The following CCDC91 variants were observed in gnomAD, a reference collection of about 807,000 sequenced individuals.
The protein encoded by CCDC91 is coiled-coil domain containing 91.
In CCDC91, 48 loss-of-function variants were observed where a neutral mutation model predicts 63.2. The ratio of observed to expected loss-of-function variants is 0.76; its 90% CI spans 0.60 to 0.97. CCDC91 has a LOEUF of 0.97. Ranked by LOEUF, CCDC91 falls within the 50% of genes least tolerant of loss-of-function variation. The probability of loss-of-function intolerance (pLI) is 0.00; values close to 1 mark genes in which losing one functional copy is unlikely to be tolerated. For missense variants in CCDC91, 500 were observed against 494.6 expected, an observed-to-expected ratio of 1.01 and a Z score of -0.10; for synonymous variants, 167 against 165.8, an observed-to-expected ratio of 1.01 and a Z score of -0.06.
At chr12:28,285,217 A>G (rs1363019180) in intron 3 of CCDC91, among the ~76,000 whole-genome samples, 5 of 152,166 alleles carry the variant, frequency 3.3e-5, no homozygotes, top group Non-Finnish European at 7.3e-5. Flanking sequence ...CCAAGTGAGA[A>G]GTTTTTCAGA....
At chr12:28,203,350 TA>T (rs1308991375) in intron 1 of CCDC91, among the ~76,000 whole-genome samples, 2 of 152,170 alleles carry the variant, frequency 1.3e-5, no homozygotes, top group Non-Finnish European at 1.5e-5. Context: ...TGGAGTTCCT[TA>T]ACTCCACTAT....
intron 12 of CCDC91, among the ~76,000 whole-genome samples, chr12:28,528,809 G>A (rs768103718): frequency 1.3e-5 from 2 of 152,078 alleles, no homozygotes; most frequent in South Asian, 2.1e-4. Context: ...TAGCTCACTC[G>A]AGTTTTATTT....
intron 1 of CCDC91, among the ~76,000 whole-genome samples, chr12:28,256,370 C>A (rs528847094): frequency 9.3e-5 from 14 of 150,796 alleles, no homozygotes; most frequent in African/African-American, 3.2e-4. Context: ...CTTCCTCTTA[C>A]TAATTTCACC....
chr12:28,524,148 T>C (rs1941033947), intron 12 of CCDC91, among the ~76,000 whole-genome samples: 1 of 152,138 alleles, frequency 6.6e-6, no homozygotes, highest in Non-Finnish European at 1.5e-5. Flanking sequence ...GACTAGGACT[T>C]CCAGTACTAT....
intron 6 of CCDC91, among the ~76,000 whole-genome samples, chr12:28,344,777 C>T (rs546543453): frequency 9.5e-4 from 144 of 152,130 alleles, no homozygotes; most frequent in Middle Eastern, 3.4e-3. Context: ...TCTTTTAGAC[C>T]CATGAGCCTT....
At chr12:28,226,948 G>C (rs1245068734) in intron 1 of CCDC91, among the ~76,000 whole-genome samples, 19 of 152,018 alleles carry the variant, frequency 1.2e-4, no homozygotes, top group Non-Finnish European at 2.4e-4. Context: ...GAGGAGTATT[G>C]GTCAGACATT....
intron 12 of CCDC91, among the ~76,000 whole-genome samples, chr12:28,506,346 C>G (rs1418370454): frequency 6.6e-6 from 1 of 151,876 alleles, no homozygotes; most frequent in Non-Finnish European, 1.5e-5. Flanking sequence ...TAGGAATGAA[C>G]AAAACTAACC....
At chr12:28,376,234 T>C (rs1352042543) in intron 7 of CCDC91, among the ~76,000 whole-genome samples, 2 of 151,886 alleles carry the variant, frequency 1.3e-5, no homozygotes, top group Non-Finnish European at 2.9e-5. Context: ...ATTATTTTTC[T>C]AATTTTTGTT....
At chr12:28,342,780 A>G (rs776322379) in intron 6 of CCDC91, among the ~76,000 whole-genome samples, 1 of 152,166 alleles carries the variant, frequency 6.6e-6, no homozygotes, top group Non-Finnish European at 1.5e-5. Flanking sequence ...GTTCAGGTAC[A>G]TACAGACTAG....
chr12:28,420,788 C>G (rs1947958293), intron 8 of CCDC91, among the ~76,000 whole-genome samples: 1 of 151,326 alleles, frequency 6.6e-6, no homozygotes, highest in African/African-American at 2.4e-5. Context: ...TGAAAACTCA[C>G]TGAGGGCAGT....
chr12:28,324,813 T>G (rs1237769800), intron 6 of CCDC91, among the ~76,000 whole-genome samples: 1 of 151,928 alleles, frequency 6.6e-6, no homozygotes, highest in Non-Finnish European at 1.5e-5. Flanking sequence ...TTATTTTTTG[T>G]TTAGTATCTT....
intron 12 of CCDC91, among the ~76,000 whole-genome samples, chr12:28,539,230 A>G (rs1320449609): frequency 1.3e-5 from 2 of 152,132 alleles, no homozygotes; most frequent in Non-Finnish European, 2.9e-5. Context: ...TAGGGTTTTT[A>G]TGGTTTTAGG....
In CCDC91 at chr12:28,252,959, G is replaced by A. The variant is rs549977985; in HGVS notation, c.-14-4243G>A. ...GAGTTAGCTATTATAATATTCGATAGATGAGGAAACTGAGGCACACAATGT... is the reference window on the plus strand; with the variant it reads ...GAGTTAGCTATTATAATATTCGATAAATGAGGAAACTGAGGCACACAATGT... On this transcript the variant is annotated intron_variant, in intron 1 of 12. Transcript: ENST00000536442. Among the ~76,000 whole-genome samples, 36 of 152,262 alleles carry A rather than the reference G, an allele frequency of 2.4e-4. 1 individual carries two copies. The South Asian group carries it at 2.7e-3, about 11-fold the overall frequency.
At chr12:28,339,285 A>G (rs1942244098) in intron 6 of CCDC91, among the ~76,000 whole-genome samples, 1 of 152,226 alleles carries the variant, frequency 6.6e-6, no homozygotes, top group Non-Finnish European at 1.5e-5. Flanking sequence ...ATCTGAGGGA[A>G]GAAAATGTTT....
chr12:28,450,523 A>T, intron 10 of CCDC91, 105 bp downstream of exon 10: 1 of 849,610 alleles, frequency 1.2e-6, no homozygotes, highest in Non-Finnish European at 1.9e-6. Flanking sequence ...ATTCCATAAA[A>T]ATCGTTTTTA....
Position 28,259,401 on chromosome 12 carries a change from A to T in CCDC91, c.68A>T (p.Gln23Leu), listed in dbSNP as rs1408722300. Residue 23 changes from glutamine to leucine, a missense_variant, in exon 3 of 13, where the codon CAA (glutamine) becomes CTA (leucine). Transcript: ENST00000536442. ...ETFDGGSGET[Q>L]TTSPAIPWAA... ...TTTGATGGTGGAAGTGGTGAAACCC[A>T]AACAACATCTCCTGCTATTCCTTGG... 1.9e-6 allele frequency: 3 copies of T among 1,612,056 alleles called. No individual in the cohort carries two copies. Among genetic ancestry groups the T allele is most frequent in the South Asian group, 2.2e-5 (2 of 91,014 alleles).
chr12:28,518,928 ATTT>A (rs951249595), intron 12 of CCDC91, among the ~76,000 whole-genome samples: 2 of 151,590 alleles, frequency 1.3e-5, no homozygotes, highest in African/African-American at 2.4e-5. Flanking sequence ...CCCACTTCAT[ATTT>A]TTGTTTGCTT....
At chr12:28,446,983 A>G (rs1034725898) in intron 8 of CCDC91, among the ~76,000 whole-genome samples, 18 of 152,138 alleles carry the variant, frequency 1.2e-4, no homozygotes, top group African/African-American at 3.9e-4. Context: ...TGTTTTCTGT[A>G]GGGGAGTCTC....
intron 12 of CCDC91, among the ~76,000 whole-genome samples, chr12:28,525,985 C>T (rs1166897243): frequency 2.0e-5 from 3 of 151,888 alleles, no homozygotes; most frequent in Admixed American, 6.6e-5. Context: ...TGTGTGAGTC[C>T]ATATGTGTTA....
Sources: allele counts gnomAD v4.1 joint callset (sites outside exome capture counted in the v4.1 genomes callset), GRCh38; gene constraint gnomAD v4.1.1; transcripts MANE v1.5; gene names NCBI Gene and HGNC (gene_info 2026-07-23, HGNC 2026-07-21).